The following FBH1 variants were observed in gnomAD, a reference collection of about 807,000 sequenced individuals.
The protein encoded by FBH1 is DNA 3'-5' helicase 1.
In FBH1, 43 loss-of-function variants were observed where a neutral mutation model predicts 115.5. The ratio of observed to expected loss-of-function variants is 0.37; its 90% CI spans 0.29 to 0.48. The LOEUF (loss-of-function observed/expected upper bound fraction) is 0.48, where lower values mean the gene tolerates loss of function less well. Ranked by LOEUF, FBH1 falls within the 20% of genes least tolerant of loss-of-function variation. The probability of loss-of-function intolerance (pLI) is 0.99; values close to 1 mark genes in which losing one functional copy is unlikely to be tolerated. For synonymous variants in FBH1, 524 were observed against 507.8 expected, an observed-to-expected ratio of 1.03 and a Z score of -0.43; for missense variants, 1,001 against 1,337.3, an observed-to-expected ratio of 0.75 and a Z score of 3.92.
At position 5,890,266 on chromosome 10, in the gene FBH1, C is replaced by G; in HGVS notation, c.-80C>G. 1 of 368,372 alleles carries G rather than the reference C, an allele frequency of 2.7e-6. No homozygotes were observed. Among genetic ancestry groups the G allele is most frequent in the Non-Finnish European group, 5.1e-6 (1 of 197,042 alleles). 22.8% of individuals were successfully genotyped at this position (368,372 alleles called of 1,614,324 possible). On this transcript the variant is annotated 5_prime_UTR_variant, in exon 1 of 21. Transcript: ENST00000362091. The stretch of plus-strand genomic sequence containing the variant: ...AGGTCCCGGCCAGAGGAGGAGCTCG[C>G]TGCCGGGGGACGCTGGGCTGAGCGG...
rs1832959092 is a variant in FBH1, at chr10:5,931,326, G to A, written c.2829+3785G>A. 6.6e-6 allele frequency among the ~76,000 whole-genome samples: 1 copy of A among 152,148 alleles called. No homozygotes were observed. Reference sequence around the variant, plus strand: ...CAGGTATGCAGCACCATCAGTAAGTGCTGAAAAATGATACTGTTTACACAT... The same window carrying A: ...CAGGTATGCAGCACCATCAGTAAGTACTGAAAAATGATACTGTTTACACAT... On this transcript the variant is annotated intron_variant, in intron 19 of 20. Transcript: ENST00000362091. This position sits in a 1 kb window ranked among gnomAD's most constrained non-coding sequence, Gnocchi z 4.3.
In FBH1 at chr10:5,925,509, T is replaced by C. The variant is rs763364788; in HGVS notation, c.2722+17T>C. 4.3e-5 allele frequency: 69 copies of C among 1,612,810 alleles called. No homozygotes were observed. Among genetic ancestry groups the C allele is most frequent in the Middle Eastern group, 1.9e-4 (1 of 5,286 alleles). On this transcript the variant is annotated intron_variant, in intron 18 of 20. Coordinates refer to ENST00000362091, the MANE Select transcript of FBH1 (RefSeq NM_178150.3). This position sits in a 1 kb window ranked among gnomAD's most constrained non-coding sequence, Gnocchi z 4.6. ...TCAGAGTTGGTAAGAGGCCGCCGGGTAGTGTCAGGTGCTGCTGTATGTAGT... is the reference window on the plus strand; with the variant it reads ...TCAGAGTTGGTAAGAGGCCGCCGGGCAGTGTCAGGTGCTGCTGTATGTAGT...
intron 2 of FBH1, among the ~76,000 whole-genome samples, chr10:5,904,092 T>C (rs1276905222): frequency 6.6e-6 from 1 of 152,054 alleles, no homozygotes; most frequent in Non-Finnish European, 1.5e-5. Flanking sequence ...TCTTGCTCTG[T>C]CATCCAGGAG....
At chr10:5,927,613 T>C in intron 19 of FBH1, 72 bp downstream of exon 19, 1 of 1,258,602 alleles carries the variant, frequency 7.9e-7, no homozygotes. Flanking sequence ...GGGGCTGACC[T>C]GGAGCCTTCA....
intron 13 of FBH1, among the ~76,000 whole-genome samples, chr10:5,920,187 C>G (rs750292188): frequency 2.0e-5 from 3 of 152,174 alleles, no homozygotes; most frequent in Non-Finnish European, 4.4e-5. Context: ...GTAGGCTGCC[C>G]CTGTGCTGGG....
At chr10:5,926,261 G>A (rs1339438963) in intron 18 of FBH1, among the ~76,000 whole-genome samples, 1 of 152,026 alleles carries the variant, frequency 6.6e-6, no homozygotes, top group Non-Finnish European at 1.5e-5. Context: ...CTACAGGCAC[G>A]TGCCACCACG....
chr10:5,911,270 G>T lies in FBH1; in HGVS notation c.1211+142G>T, dbSNP rs1831573171. The T allele has an allele frequency of 1.3e-6, 1 of 789,128 alleles. No individual in the cohort carries two copies. Among genetic ancestry groups the T allele is most frequent in the Non-Finnish European group, 2.0e-6 (1 of 506,214 alleles). 48.9% of individuals were successfully genotyped at this position (789,128 alleles called of 1,614,324 possible). On this transcript the variant is annotated intron_variant, in intron 6 of 20. Transcript: ENST00000362091. The surrounding 1 kb of genome is among the most constrained non-coding windows in gnomAD (Gnocchi z 5.4). ...CTGCTCCACCTCAGTGTCATCTTCT[G>T]CAGGAGCCAGGGGCTGAGAGTTTGA...
At position 5,925,011 on chromosome 10, in the gene FBH1, C is replaced by T. The variant is rs1832554997; in HGVS notation, c.2597-356C>T. ...AGCCCGTACAATGGGATTTTCTAGT[C>T]CCAGCTCTGCCACGTGTAATGTCAG... On this transcript the variant is annotated intron_variant, in intron 17 of 20. Transcript: ENST00000362091. This position sits in a 1 kb window ranked among gnomAD's most constrained non-coding sequence, Gnocchi z 4.6. Among the ~76,000 whole-genome samples, 1 of 152,180 alleles carries T rather than the reference C, an allele frequency of 6.6e-6. No homozygotes were observed. The highest frequency in any genetic ancestry group is 1.5e-5 in the Non-Finnish European group (1 of 68,042).
At position 5,913,824 on chromosome 10, in the gene FBH1, C is replaced by A. The variant is rs780624186; in HGVS notation, c.1289C>A (p.Pro430Gln). The A allele has an allele frequency of 4.4e-6, 7 of 1,597,924 alleles. No homozygotes were observed. The South Asian group carries it at 4.6e-5, about 10-fold the overall frequency. ...CTQATKVKEE[P>Q]SVWPGKKTIQ... ...CAGGCCACAAAAGTTAAAGAGGAGC[C>A]ATCTGTCTGGCCAGGGTATGTGTAT... Residue 430 changes from proline to glutamine, a missense_variant, in exon 7 of 21, where the codon CCA (proline) becomes CAA (glutamine). This residue lies in a region of FBH1 where 521 missense variants were observed against 811.0 expected (regional missense o/e 0.64). Transcript: ENST00000362091. The surrounding 1 kb of genome is among the most constrained non-coding windows in gnomAD (Gnocchi z 4.4).
chr10:5,918,324 T>G lies in FBH1; in HGVS notation c.1964-18T>G, dbSNP rs1274614245. 1.2e-6 allele frequency: 2 copies of G among 1,605,148 alleles called. No homozygotes were observed. Among genetic ancestry groups the G allele is most frequent in the Non-Finnish European group, 1.7e-6 (2 of 1,177,968 alleles). On this transcript the variant is annotated intron_variant, in intron 12 of 20. Coordinates refer to ENST00000362091, the MANE Select transcript of FBH1 (RefSeq NM_178150.3). This position sits in a 1 kb window ranked among gnomAD's most constrained non-coding sequence, Gnocchi z 4.0. ...TGGAGGCCTCAAGGTTTCTCACTTT[T>G]CCTCTCGTTGGTTACAGCTATCATG...
In FBH1 at chr10:5,924,474, A is replaced by G; in HGVS notation, c.2562A>G (p.Ile854Met). ...GGATTCCAGAGCTGGTGCAAAGGAT[A>G]GAAAAATGCCATATAGAAGATTTGG... ...NIRIPELVQRIEKCHIEDLDF... is the reference protein window; with the variant it reads ...NIRIPELVQRMEKCHIEDLDF... The change falls in exon 17 of 21, where the codon ATA (isoleucine) becomes ATG (methionine). Residue 854 changes from isoleucine (I) to methionine (M), a missense_variant. Ile to Met is a conservative substitution (Grantham distance 10). Transcript: ENST00000362091. The surrounding 1 kb of genome is among the most constrained non-coding windows in gnomAD (Gnocchi z 6.2). 6.2e-7 allele frequency: 1 copy of G among 1,614,130 alleles called. No individual in the cohort carries two copies. Among genetic ancestry groups the G allele is most frequent in the Non-Finnish European group, 8.5e-7 (1 of 1,179,976 alleles).
chr10:5,903,370 G>T (rs1428745381), intron 2 of FBH1, among the ~76,000 whole-genome samples, 195 bp downstream of exon 2: 19 of 138,304 alleles, frequency 1.4e-4, no homozygotes, highest in African/African-American at 4.9e-4. Context: ...CAATCTTGTT[G>T]CCCTGGCTGG....
In FBH1 at chr10:5,913,889, C is replaced by T; in HGVS notation, c.1304+50C>T. The T allele has an allele frequency of 3.6e-6, 5 of 1,386,444 alleles. No individual in the cohort carries two copies. Among genetic ancestry groups the T allele is most frequent in the Non-Finnish European group, 4.0e-6 (4 of 992,292 alleles). The allele number at this position is 1,386,444 out of a possible 1,614,324, so 85.9% of individuals were successfully genotyped here. A position where few individuals can be genotyped will look rare whatever the true frequency, so the allele number is the denominator to read the frequency against. ...GTGTTTTGTCTTCTGTCGACTCTTC[C>T]TCATACTTAAGGAGGGAGATGTTTT... On this transcript the variant is annotated intron_variant, in intron 7 of 20. Transcript: ENST00000362091. The surrounding 1 kb of genome is among the most constrained non-coding windows in gnomAD (Gnocchi z 4.4).
Position 5,915,874 on chromosome 10 carries a change from C to T in FBH1, c.1565+303C>T, listed in dbSNP as rs1192322025. 3 of 472,698 alleles carry T rather than the reference C, an allele frequency of 6.3e-6. No individual in the cohort carries two copies. The highest frequency in any genetic ancestry group is 1.1e-5 in the Non-Finnish European group (3 of 263,024). The allele number at this position is 472,698 out of a possible 1,614,324, so 29.3% of individuals were successfully genotyped here. A position where few individuals can be genotyped will look rare whatever the true frequency, so the allele number is the denominator to read the frequency against. ...CTCACAAATCCTGATCAGTTGTAGG[C>T]TTTTCTTGGAAGGGAGTGAGGAAGA... is the stretch of plus-strand genomic sequence containing the variant. On this transcript the variant is annotated intron_variant, in intron 9 of 20. Transcript: ENST00000362091. This position sits in a 1 kb window ranked among gnomAD's most constrained non-coding sequence, Gnocchi z 5.2.
Position 5,909,159 on chromosome 10 carries a change from A to T in FBH1, c.885A>T (p.Arg295=). The T allele has an allele frequency of 6.2e-7, 1 of 1,613,688 alleles. No homozygotes were observed. Among genetic ancestry groups the T allele is most frequent in the Non-Finnish European group, 8.5e-7 (1 of 1,179,992 alleles). The change falls in exon 5 of 21, where the codon CGA becomes CGT. Residue 295 remains arginine (R), a splice_region_variant and synonymous_variant. Coordinates refer to ENST00000362091, the MANE Select transcript of FBH1 (RefSeq NM_178150.3). The surrounding 1 kb of genome is among the most constrained non-coding windows in gnomAD (Gnocchi z 4.4). ...ESDLCVLNLI[R]YTATTKCSPS... The stretch of plus-strand genomic sequence containing the variant: ...GGCCTCTCCTGTGAATGTCTTACAG[A>T]TACACAGCCACCACTAAGTGCTCTC...
chr10:5,898,904 C>T (rs777065466), intron 1 of FBH1, among the ~76,000 whole-genome samples: 36 of 152,326 alleles, frequency 2.4e-4, no homozygotes, highest in Non-Finnish European at 4.3e-4. Flanking sequence ...GACTCTCAGG[C>T]ATGTGATGAG....
intron 1 of FBH1, among the ~76,000 whole-genome samples, chr10:5,892,135 T>C (rs1842768748): frequency 6.6e-6 from 1 of 152,246 alleles, no homozygotes; most frequent in Admixed American, 6.5e-5. Context: ...TGGAGCTGTT[T>C]CCTGGGTCTT....
In FBH1 at chr10:5,918,658, G is replaced by A. The variant is rs375392741; in HGVS notation, c.2100+180G>A. 1.3e-5 allele frequency among the ~76,000 whole-genome samples: 2 copies of A among 152,298 alleles called. No individual in the cohort carries two copies. The highest frequency in any genetic ancestry group is 3.9e-4 in the East Asian group (2 of 5,188). ...GTCACACTGTTTTCATAAGAGGTGT[G>A]TGCACAGCGGTCGTCTGAGGAAGAG... On this transcript the variant is annotated intron_variant, in intron 13 of 20. Coordinates refer to ENST00000362091, the MANE Select transcript of FBH1 (RefSeq NM_178150.3). This position sits in a 1 kb window ranked among gnomAD's most constrained non-coding sequence, Gnocchi z 4.0.
chr10:5,924,122 A>G lies in FBH1; in HGVS notation c.2399-189A>G. On this transcript the variant is annotated intron_variant, in intron 16 of 20. Coordinates refer to ENST00000362091, the MANE Select transcript of FBH1 (RefSeq NM_178150.3). The surrounding 1 kb of genome is among the most constrained non-coding windows in gnomAD (Gnocchi z 6.2). Reference sequence around the variant, plus strand: ...GGCTTTGCTCCTCAGTCGGAGACGGAGAGGCTACTGCACTGCACTGACTTG... The same window carrying G: ...GGCTTTGCTCCTCAGTCGGAGACGGGGAGGCTACTGCACTGCACTGACTTG... The G allele has an allele frequency of 1.7e-6, 1 of 605,674 alleles. No homozygotes were observed. Among genetic ancestry groups the G allele is most frequent in the South Asian group, 2.0e-5 (1 of 49,106 alleles). The allele number at this position is 605,674 out of a possible 1,614,324, so 37.5% of individuals were successfully genotyped here.
Sources: gnomAD v4.1 joint callset for allele counts (sites outside exome capture counted in the v4.1 genomes callset) on GRCh38, gnomAD v4.1.1 for gene constraint, gnomAD v4.1.1 regional missense constraint, Gnocchi (gnomAD v3.1) non-coding constraint, MANE v1.5 for transcripts, NCBI Gene and HGNC (gene_info 2026-07-23, HGNC 2026-07-21) for gene names.